Variants in CADPS observed in about 807,000 individuals in gnomAD.
CADPS encodes calcium dependent secretion activator.
In CADPS, 57 loss-of-function variants were observed where a neutral mutation model predicts 167.3. The observed-to-expected ratio is 0.34, with a 90% confidence interval of 0.28 to 0.42. The LOEUF (loss-of-function observed/expected upper bound fraction) is 0.42. Ranked by LOEUF, CADPS falls within the 20% of genes least tolerant of loss-of-function variation. The pLI, the probability that CADPS is intolerant of heterozygous loss-of-function variation, is 1.00. For missense variants in CADPS, 1,414 were observed against 1,738.1 expected (o/e 0.81, Z 3.32); for synonymous variants, 676 against 635.3 (o/e 1.06, Z -0.96).
Position 62,645,775 on chromosome 3 carries a change from C to T in CADPS, c.1272G>A (p.Glu424=), listed in dbSNP as rs748659970. The stretch of plus-strand genomic sequence containing the variant: ...TCTGTAGTTTCTCTCCTCCTTCCAC[C>T]TCCATTGTGCAATATACGATGCGAT... ...APNRIVYCTM[E]VEGGEKLQTD... The change falls in exon 6 of 30, where the codon GAG becomes GAA. Residue 424 remains glutamate, a synonymous_variant. Transcript: ENST00000383710. 5.6e-6 allele frequency: 9 copies of T among 1,614,076 alleles called. No homozygotes were observed. The Admixed American group carries it at 8.3e-5, about 15-fold the overall frequency.
intron 1 of CADPS, among the ~76,000 whole-genome samples, chr3:62,860,618 C>T (rs747811010): frequency 3.9e-5 from 6 of 152,132 alleles, no homozygotes; most frequent in Non-Finnish European, 5.9e-5. Flanking sequence ...TGTAAAATCA[C>T]TATATTAAAA....
At chr3:62,571,412 A>C (rs2081262932) in intron 8 of CADPS, among the ~76,000 whole-genome samples, 1 of 152,166 alleles carries the variant, frequency 6.6e-6, no homozygotes, top group Non-Finnish European at 1.5e-5. Flanking sequence ...TTCCAAGTCA[A>C]CATAGGAAGG....
intron 8 of CADPS, among the ~76,000 whole-genome samples, chr3:62,578,160 GA>G (rs71123276): frequency 6.9e-6 from 1 of 145,602 alleles, no homozygotes; most frequent in African/African-American, 2.6e-5. Context: ...TAAAAAGATA[GA>G]AAAAAAAAGA....
At chr3:62,638,992 C>T (rs1293435706) in intron 6 of CADPS, among the ~76,000 whole-genome samples, 1 of 152,062 alleles carries the variant, frequency 6.6e-6, no homozygotes, top group Non-Finnish European at 1.5e-5. Context: ...ACCTTGCTTC[C>T]TTCCCACTGT....
chr3:62,873,756 C>T (rs941715726), intron 1 of CADPS, among the ~76,000 whole-genome samples: 3 of 152,090 alleles, frequency 2.0e-5, no homozygotes, highest in Admixed American at 6.5e-5. Context: ...AGTGGCAGGG[C>T]TTGGAGGACC....
chr3:62,768,627 G>C (rs1159282732), intron 1 of CADPS, among the ~76,000 whole-genome samples: 1 of 151,980 alleles, frequency 6.6e-6, no homozygotes. Flanking sequence ...CTCAACCCCT[G>C]ATCTCACCTG....
In CADPS at chr3:62,624,469, C is replaced by G. The variant is rs752296468; in HGVS notation, c.1325+21253G>C. Among the ~76,000 whole-genome samples the G allele has an allele frequency of 8.6e-5, 13 of 151,730 alleles. No homozygotes were observed. The East Asian group carries it at 2.1e-3, about 25-fold the overall frequency. ...TTAAGTATACAGCTTTGCAAAGAAC[C>G]ATTTAAACTAGGGCTGGTAATATAT... On this transcript the variant is annotated intron_variant, in intron 6 of 29. Coordinates refer to ENST00000383710, the MANE Select transcript of CADPS (RefSeq NM_003716.4).
rs1020082845 is a variant in CADPS, at chr3:62,491,254, C to T, written c.3026+85G>A. ...TCTCTGTCCACAATAACAGTGAAACCCATATGACATCATTAATCCATTTCT... is the reference window on the plus strand; with the variant it reads ...TCTCTGTCCACAATAACAGTGAAACTCATATGACATCATTAATCCATTTCT... On this transcript the variant is annotated intron_variant, in intron 21 of 29. Coordinates refer to ENST00000383710, the MANE Select transcript of CADPS (RefSeq NM_003716.4). The T allele has an allele frequency of 5.9e-6, 8 of 1,348,054 alleles. No individual in the cohort carries two copies. In the East Asian group the frequency reaches 6.9e-5, roughly 12 times the overall value. The allele number at this position is 1,348,054 out of a possible 1,614,324, so 83.5% of individuals were successfully genotyped here.
chr3:62,870,388 G>GCT (rs1185784705), intron 1 of CADPS, among the ~76,000 whole-genome samples: 2 of 151,962 alleles, frequency 1.3e-5, no homozygotes, highest in Admixed American at 6.6e-5. Flanking sequence ...ACATACTTGC[G>GCT]CTCTCTCTCA....
intron 1 of CADPS, among the ~76,000 whole-genome samples, chr3:62,843,977 CA>C (rs1395639575): frequency 6.6e-6 from 1 of 152,168 alleles, no homozygotes; most frequent in African/African-American, 2.4e-5. Flanking sequence ...ATCCTTACCC[CA>C]AAATCTAGTC....
chr3:62,619,266 C>A (rs1296221714), intron 6 of CADPS, among the ~76,000 whole-genome samples: 1 of 152,164 alleles, frequency 6.6e-6, no homozygotes, highest in Non-Finnish European at 1.5e-5. Context: ...TATCTAGTGT[C>A]TTAGTTCAGT....
intron 1 of CADPS, among the ~76,000 whole-genome samples, chr3:62,817,249 A>C (rs1436804108): frequency 6.6e-6 from 1 of 152,172 alleles, no homozygotes; most frequent in African/African-American, 2.4e-5. Context: ...TCAGAACCTC[A>C]TATCTTGAAA....
At chr3:62,655,661 C>T (rs549650104) in intron 4 of CADPS, among the ~76,000 whole-genome samples, 1 of 152,062 alleles carries the variant, frequency 6.6e-6, no homozygotes, top group African/African-American at 2.4e-5. Context: ...GACAAGGCTG[C>T]CCCCCTTCAG....
intron 1 of CADPS, among the ~76,000 whole-genome samples, chr3:62,838,876 T>C (rs2076259345): frequency 6.6e-6 from 1 of 152,176 alleles, no homozygotes; most frequent in African/African-American, 2.4e-5. Flanking sequence ...ATGTCCAATA[T>C]ATAAAATGAA....
At chr3:62,640,677 A>C (rs2067234739) in intron 6 of CADPS, among the ~76,000 whole-genome samples, 1 of 152,200 alleles carries the variant, frequency 6.6e-6, no homozygotes, top group African/African-American at 2.4e-5. Flanking sequence ...CCTGTCAGGG[A>C]GTAATGAACT....
intron 12 of CADPS, among the ~76,000 whole-genome samples, chr3:62,535,706 T>C (rs1288779271): frequency 2.0e-5 from 3 of 152,096 alleles, no homozygotes; most frequent in African/African-American, 4.8e-5. Context: ...AAGAAGTAAA[T>C]TGGGTCTTTT....
At chr3:62,594,083 A>G (rs566657382) in intron 6 of CADPS, among the ~76,000 whole-genome samples, 4 of 152,154 alleles carry the variant, frequency 2.6e-5, no homozygotes, top group Non-Finnish European at 4.4e-5. Context: ...TTTACTTTAT[A>G]CAATGACCAA....
chr3:62,657,402 A>G (rs1033293247), intron 4 of CADPS, among the ~76,000 whole-genome samples: 2 of 152,190 alleles, frequency 1.3e-5, no homozygotes, highest in African/African-American at 4.8e-5. Flanking sequence ...TTGGAATTTT[A>G]CACTAAAATT....
chr3:62,575,924 C>A (rs1336056600), intron 8 of CADPS, among the ~76,000 whole-genome samples: 1 of 152,182 alleles, frequency 6.6e-6, no homozygotes. Context: ...TAATTTGGCA[C>A]ATACCAGAAG....
Sources: gnomAD v4.1 joint callset for allele counts (sites outside exome capture counted in the v4.1 genomes callset) on GRCh38, gnomAD v4.1.1 for gene constraint, MANE v1.5 for transcripts, NCBI Gene and HGNC (gene_info 2026-07-23, HGNC 2026-07-21) for gene names.